The following NCOA1 variants were observed in gnomAD, a reference collection of about 807,000 sequenced individuals.
The protein encoded by NCOA1 is Hin-2 protein.
A neutral mutation model predicts 150.9 loss-of-function variants in NCOA1; 35 were observed. The ratio of observed to expected loss-of-function variants is 0.23; its 90% CI spans 0.18 to 0.31. The LOEUF (loss-of-function observed/expected upper bound fraction) is 0.31, where lower values mean the gene tolerates loss of function less well. Among genes scored for constraint, NCOA1 ranks in the 10% least tolerant of loss-of-function variants. The pLI is 1.00. For missense variants in NCOA1, 1,491 were observed against 1,749.3 expected, an observed-to-expected ratio of 0.85 and a Z score of 2.63; for synonymous variants, 590 against 630.0, an observed-to-expected ratio of 0.94 and a Z score of 0.95.
chr2:24,573,117 T>A (rs1399061103), intron 2 of NCOA1, among the ~76,000 whole-genome samples: 2 of 152,120 alleles, frequency 1.3e-5, no homozygotes, highest in Non-Finnish European at 2.9e-5. Flanking sequence ...TTTATTGCTT[T>A]GAAGATGATC....
intron 4 of NCOA1, 41 bp from the exon 5 acceptor site, chr2:24,658,620 G>T (rs1481976913): frequency 6.8e-7 from 1 of 1,471,374 alleles, no homozygotes; most frequent in Non-Finnish European, 9.5e-7. Flanking sequence ...GGTTGGAAAG[G>T]TCATAAGGGT....
intron 11 of NCOA1, among the ~76,000 whole-genome samples, 169 bp downstream of exon 11, chr2:24,697,967 C>T (rs991416645): frequency 6.6e-6 from 1 of 152,058 alleles, no homozygotes; most frequent in Non-Finnish European, 1.5e-5. Context: ...ATGAGTGGAT[C>T]CTGAAATTTG....
chr2:24,518,314 A>G (rs753994541), intron 1 of NCOA1, among the ~76,000 whole-genome samples: 3 of 152,166 alleles, frequency 2.0e-5, no homozygotes, highest in Non-Finnish European at 4.4e-5. Context: ...TTCTCAGCAA[A>G]TTAGAAAAAA....
intron 20 of NCOA1, among the ~76,000 whole-genome samples, chr2:24,756,354 T>C (rs531139461): frequency 6.6e-6 from 1 of 152,356 alleles, no homozygotes; most frequent in East Asian, 1.9e-4. Flanking sequence ...CAGACATTAA[T>C]GGTCCACAGG....
chr2:24,640,038 G>A (rs1670135454), intron 3 of NCOA1, among the ~76,000 whole-genome samples: 1 of 147,442 alleles, frequency 6.8e-6, no homozygotes, highest in African/African-American at 2.5e-5. Flanking sequence ...CTTTATTGCA[G>A]TTTCACTTAT....
rs567041861 is a variant in NCOA1, at chr2:24,713,186, G to A, written c.2599+2075G>A. Among the ~76,000 whole-genome samples the A allele has an allele frequency of 6.3e-4, 96 of 152,150 alleles. 1 individual carries two copies. The highest frequency in any genetic ancestry group is 2.1e-3 in the African/African-American group (89 of 41,528). ...GCAGAGGTTGCAGTCAGCTGAGATC[G>A]TGCCATTGCACTCCAGCCTGGGCGA... On this transcript the variant is annotated intron_variant, in intron 14 of 22. Transcript: ENST00000348332.
At chr2:24,749,841 A>G (rs1412434683) in intron 19 of NCOA1, among the ~76,000 whole-genome samples, 1 of 152,240 alleles carries the variant, frequency 6.6e-6, no homozygotes, top group Non-Finnish European at 1.5e-5. Context: ...AAATCAGCCA[A>G]TCAAAAATTC....
At chr2:24,738,750 G>T (rs1002272784) in intron 17 of NCOA1, among the ~76,000 whole-genome samples, 7 of 152,158 alleles carry the variant, frequency 4.6e-5, no homozygotes, top group African/African-American at 1.7e-4. Context: ...ACAGCATGCT[G>T]TTTTCCCAGC....
intron 1 of NCOA1, among the ~76,000 whole-genome samples, chr2:24,554,743 T>C (rs920100279): frequency 6.6e-6 from 1 of 152,152 alleles, no homozygotes; most frequent in Non-Finnish European, 1.5e-5. Flanking sequence ...CTCGATGTTC[T>C]CCCTAGTAAG....
At chr2:24,664,538 G>A (rs572656462) in intron 5 of NCOA1, among the ~76,000 whole-genome samples, 13 of 151,988 alleles carry the variant, frequency 8.6e-5, no homozygotes, top group East Asian at 3.9e-4. Context: ...GTGAAACCCC[G>A]TCTCTACTAA....
chr2:24,717,193 G>T (rs1300895840), intron 14 of NCOA1, among the ~76,000 whole-genome samples: 1 of 152,132 alleles, frequency 6.6e-6, no homozygotes, highest in African/African-American at 2.4e-5. Flanking sequence ...AGACATTTTG[G>T]CAGTTTCTTA....
At chr2:24,518,064 G>A (rs902291462) in intron 1 of NCOA1, among the ~76,000 whole-genome samples, 1 of 151,994 alleles carries the variant, frequency 6.6e-6, no homozygotes, top group Non-Finnish European at 1.5e-5. Flanking sequence ...CATTTATTGA[G>A]TGAACATATA....
chr2:24,568,239 A>T (rs1045768120), intron 2 of NCOA1, among the ~76,000 whole-genome samples: 1 of 152,202 alleles, frequency 6.6e-6, no homozygotes, highest in Non-Finnish European at 1.5e-5. Flanking sequence ...ATAAGAGCAA[A>T]ATCAATACTT....
chr2:24,601,693 C>A (rs1452075564), intron 3 of NCOA1, among the ~76,000 whole-genome samples: 1 of 150,900 alleles, frequency 6.6e-6, no homozygotes, highest in Admixed American at 6.6e-5. Context: ...AGTACAGTGG[C>A]GTGATCTCAG....
chr2:24,764,825 A>G (rs1664965462), intron 22 of NCOA1, among the ~76,000 whole-genome samples: 1 of 152,194 alleles, frequency 6.6e-6, no homozygotes, highest in African/African-American at 2.4e-5. Context: ...TGGCCAGTTG[A>G]GAAGGACAAA....
chr2:24,566,908 G>C (rs1383696035), intron 2 of NCOA1, among the ~76,000 whole-genome samples: 1 of 152,354 alleles, frequency 6.6e-6, no homozygotes, highest in African/African-American at 2.4e-5. Context: ...GGCATGGGGG[G>C]CCTTCCTGGG....
chr2:24,496,469 C>T lies in NCOA1; in HGVS notation c.-396+4867C>T, dbSNP rs372427897. On this transcript the variant is annotated intron_variant, in intron 1 of 22. Coordinates refer to ENST00000348332, the MANE Select transcript of NCOA1 (RefSeq NM_003743.5). ...ATTTAAATTGGATTTCCTTTATGTT[C>T]TCGTGACCTTCAAAAACAGCATCAA... Among the ~76,000 whole-genome samples the T allele has an allele frequency of 1.1e-4, 17 of 152,298 alleles. No individual in the cohort carries two copies. In the South Asian group the frequency reaches 2.1e-3, roughly 19 times the overall value.
intron 1 of NCOA1, among the ~76,000 whole-genome samples, chr2:24,497,671 CAA>C (rs200221675): frequency 1.4e-5 from 2 of 138,832 alleles, no homozygotes; most frequent in Non-Finnish European, 1.6e-5. Flanking sequence ...GACTCCATCT[CAA>C]AAAAAAAAAA....
intron 4 of NCOA1, among the ~76,000 whole-genome samples, chr2:24,650,053 A>C (rs1158935370): frequency 6.6e-6 from 1 of 152,180 alleles, no homozygotes; most frequent in Non-Finnish European, 1.5e-5. Flanking sequence ...ATTTTTAAGA[A>C]TTCATTGATT....
Sources: allele counts gnomAD v4.1 joint callset (sites outside exome capture counted in the v4.1 genomes callset), GRCh38; gene constraint gnomAD v4.1.1; transcripts MANE v1.5; gene names NCBI Gene and HGNC (gene_info 2026-07-23, HGNC 2026-07-21).